PLXDC2: variants seen among roughly 807,000 people sequenced by gnomAD.
PLXDC2 encodes the protein plexin domain containing 2.
A neutral mutation model predicts 68.9 loss-of-function variants in PLXDC2; 40 were observed. The ratio of observed to expected loss-of-function variants is 0.58; its 90% CI spans 0.45 to 0.76. The LOEUF is 0.76. Ranked by LOEUF, PLXDC2 falls within the 30% of genes least tolerant of loss-of-function variation. The pLI is 0.00. For missense variants in PLXDC2, 644 were observed against 661.9 expected (o/e 0.97, Z 0.30); for synonymous variants, 243 against 234.2 (o/e 1.04, Z -0.34).
intron 9 of PLXDC2, among the ~76,000 whole-genome samples, chr10:20,182,945 T>C (rs759277714): frequency 6.6e-6 from 1 of 151,868 alleles, no homozygotes; most frequent in Non-Finnish European, 1.5e-5. Context: ...GAACATGAGG[T>C]GTTTGGTTTT....
chr10:20,201,043 G>A (rs10827995), intron 9 of PLXDC2, among the ~76,000 whole-genome samples: 5,071 of 152,054 alleles, frequency 0.033, 274 homozygotes, highest in African/African-American at 0.12. Flanking sequence ...TGCAAAGGAA[G>A]GGAAATCAGT....
intron 4 of PLXDC2, among the ~76,000 whole-genome samples, chr10:20,099,352 A>C (rs936522102): frequency 1.3e-5 from 2 of 152,116 alleles, no homozygotes; most frequent in African/African-American, 4.8e-5. Flanking sequence ...TTAAGGTCTG[A>C]TTGTGTTATG....
intron 4 of PLXDC2, among the ~76,000 whole-genome samples, chr10:20,092,643 G>T (rs1048566653): frequency 6.6e-6 from 1 of 152,024 alleles, no homozygotes; most frequent in African/African-American, 2.4e-5. Flanking sequence ...AAGATATTGG[G>T]TCCCAATTCC....
chr10:20,044,211 G>GTCTTTCTTTTTCTT (rs1835743123), intron 2 of PLXDC2, among the ~76,000 whole-genome samples: 1 of 68,548 alleles, frequency 1.5e-5, no homozygotes, highest in Admixed American at 1.7e-4. Context: ...CTCTCTCTCT[G>GTCTTTCTTTTTCTT]TCTTTCTTTC....
rs142541892 is a variant in PLXDC2 at position 19,889,754 on chromosome 10, G to A, written c.112+72563G>A. Among the ~76,000 whole-genome samples the A allele has an allele frequency of 8.5e-5, 13 of 152,288 alleles. No homozygotes were observed. In the East Asian group the frequency reaches 2.1e-3, roughly 25 times the overall value. On this transcript the variant is annotated intron_variant, in intron 1 of 13. Coordinates refer to ENST00000377252, the MANE Select transcript of PLXDC2 (RefSeq NM_032812.9). ...CACAGGCAGGAAAAACATAGATCAAGGGAGGCCTTGACATTTTGTACTCTG... is the reference window on the plus strand; with the variant it reads ...CACAGGCAGGAAAAACATAGATCAAAGGAGGCCTTGACATTTTGTACTCTG...
chr10:20,138,197 A>C (rs1424805338), intron 4 of PLXDC2, among the ~76,000 whole-genome samples: 1 of 152,234 alleles, frequency 6.6e-6, no homozygotes, highest in Non-Finnish European at 1.5e-5. Context: ...GATATCAATT[A>C]GCCAGTGCTG....
At chr10:20,211,459 A>T (rs1181067336) in intron 9 of PLXDC2, among the ~76,000 whole-genome samples, 2 of 152,158 alleles carry the variant, frequency 1.3e-5, no homozygotes, top group African/African-American at 4.8e-5. Flanking sequence ...GTGCGATCCT[A>T]ACAGTGACAT....
intron 9 of PLXDC2, among the ~76,000 whole-genome samples, chr10:20,204,589 G>C (rs888244898): frequency 6.6e-6 from 1 of 152,118 alleles, no homozygotes; most frequent in Non-Finnish European, 1.5e-5. Flanking sequence ...ATAATTCGAT[G>C]TAATATTTGT....
chr10:19,966,355 G>A (rs141182140), intron 1 of PLXDC2, among the ~76,000 whole-genome samples: 1 of 1,562 alleles, frequency 6.4e-4, no homozygotes, highest in Non-Finnish European at 9.5e-4. Context: ...ATAAATGTAT[G>A]TATACACATA....
chr10:19,956,030 G>A (rs1191709683), intron 1 of PLXDC2, among the ~76,000 whole-genome samples: 1 of 152,182 alleles, frequency 6.6e-6, no homozygotes, highest in African/African-American at 2.4e-5. Context: ...AGTGAGCCAA[G>A]ACTGCGGCAT....
intron 10 of PLXDC2, among the ~76,000 whole-genome samples, chr10:20,213,161 A>G (rs953034860): frequency 4.0e-5 from 6 of 151,734 alleles, no homozygotes; most frequent in Admixed American, 2.6e-4. Context: ...ATTTTTGTGT[A>G]TTTTTTTCTG....
rs1394259085 is a variant in PLXDC2 at position 19,887,521 on chromosome 10, C to G, written c.112+70330C>G. On this transcript the variant is annotated intron_variant, in intron 1 of 13. Coordinates refer to ENST00000377252, the MANE Select transcript of PLXDC2 (RefSeq NM_032812.9). Reference sequence around the variant, plus strand: ...TGGGCGACAGAGTGAGACTTTATCTCAAAAACAAAAACAAAACAAACAAAA... The same window carrying G: ...TGGGCGACAGAGTGAGACTTTATCTGAAAAACAAAAACAAAACAAACAAAA... 1.1e-4 allele frequency among the ~76,000 whole-genome samples: 16 copies of G among 151,626 alleles called. No individual in the cohort carries two copies. In the South Asian group the frequency reaches 1.5e-3, roughly 14 times the overall value.
At chr10:19,961,162 T>C (rs546681020) in intron 1 of PLXDC2, among the ~76,000 whole-genome samples, 8 of 152,352 alleles carry the variant, frequency 5.3e-5, no homozygotes, top group African/African-American at 1.7e-4. Context: ...CCAAATGAAA[T>C]AATTATTGCA....
chr10:20,180,656 G>C (rs1024375434), intron 9 of PLXDC2, among the ~76,000 whole-genome samples: 1 of 151,968 alleles, frequency 6.6e-6, no homozygotes, highest in African/African-American at 2.4e-5. Context: ...AGTAGGGCTT[G>C]CTCTAAAAAG....
At chr10:19,917,909 A>G (rs948938035) in intron 1 of PLXDC2, among the ~76,000 whole-genome samples, 1 of 152,190 alleles carries the variant, frequency 6.6e-6, no homozygotes, top group African/African-American at 2.4e-5. Flanking sequence ...AAGGCAGTGA[A>G]CCTATTTGCA....
intron 4 of PLXDC2, among the ~76,000 whole-genome samples, chr10:20,140,607 A>G (rs1372593186): frequency 1.3e-5 from 2 of 152,064 alleles, no homozygotes; most frequent in Admixed American, 1.3e-4. Flanking sequence ...GAAAGCTTGT[A>G]AGGTTTCTCT....
At chr10:20,203,644 G>T (rs1037714625) in intron 9 of PLXDC2, among the ~76,000 whole-genome samples, 4 of 151,690 alleles carry the variant, frequency 2.6e-5, no homozygotes, top group Admixed American at 1.3e-4. Context: ...TGAGATGACA[G>T]AATTGGAAGA....
chr10:19,817,682 C>T (rs1454879759), intron 1 of PLXDC2, among the ~76,000 whole-genome samples: 1 of 152,174 alleles, frequency 6.6e-6, no homozygotes. Flanking sequence ...CCCTGGCGAT[C>T]CCCACTAGCT....
chr10:19,885,404 T>C (rs972982011), intron 1 of PLXDC2, among the ~76,000 whole-genome samples: 9 of 152,286 alleles, frequency 5.9e-5, no homozygotes, highest in African/African-American at 2.2e-4. Flanking sequence ...TTGCTTTTGG[T>C]GTTTTAGACA....
Sources: gnomAD v4.1 joint callset for allele counts (sites outside exome capture counted in the v4.1 genomes callset) on GRCh38, gnomAD v4.1.1 for gene constraint, MANE v1.5 for transcripts, NCBI Gene and HGNC (gene_info 2026-07-23, HGNC 2026-07-21) for gene names.